The following COL18A1 variants were observed in gnomAD, a reference collection of about 807,000 sequenced individuals.
COL18A1 encodes collagen alpha-1(XVIII) chain.
COL18A1 carries 133 observed loss-of-function variants against 168.0 expected under a neutral mutation model. The ratio of observed to expected loss-of-function variants is 0.79; its 90% CI spans 0.69 to 0.91. COL18A1 has a LOEUF of 0.91. Ranked by LOEUF, COL18A1 falls within the 40% of genes least tolerant of loss-of-function variation. The pLI is 0.00. For missense variants in COL18A1, 2,126 were observed against 1,925.4 expected (o/e 1.10, Z -1.95); for synonymous variants, 949 against 809.0 (o/e 1.17, Z -2.94).
At chr21:45,456,172 T>C (rs2034801885) in intron 2 of COL18A1, 1 of 1,591,974 alleles carries the variant, frequency 6.3e-7, no homozygotes, top group Non-Finnish European at 8.6e-7. Flanking sequence ...CACCACCATC[T>C]TCAGGTAGAG....
chr21:45,428,904 T>C (rs1366553466), intron 2 of COL18A1, among the ~76,000 whole-genome samples: 2 of 102,580 alleles, frequency 1.9e-5, no homozygotes, highest in Non-Finnish European at 4.5e-5. Context: ...CTTTCTTTTC[T>C]TTTTTTTTTT....
Position 45,491,219 on chromosome 21 carries a change from TTCCAGGGAGA to T in COL18A1, c.2071_2080del (p.Asp691ArgfsTer30). Reference sequence around the variant, plus strand: ...GAAATGCCGGACGCGTGGCCTCCTCTTCCAGGGAGATCCAGGGAAGGACGGAGTCGGGCAG... The same window carrying T: ...GAAATGCCGGACGCGTGGCCTCCTCTTCCAGGGAAGGACGGAGTCGGGCAG... On this transcript the variant is annotated splice_acceptor_variant and splice_polypyrimidine_tract_variant and coding_sequence_variant and intron_variant, in exon 22 of 42. Coordinates refer to ENST00000651438, the MANE Select transcript of COL18A1 (RefSeq NM_001379500.1). LOFTEE classifies it high-confidence loss of function. 4 of 1,610,894 alleles carry T rather than the reference TTCCAGGGAGA, an allele frequency of 2.5e-6. No homozygotes were observed. Among genetic ancestry groups the T allele is most frequent in the Non-Finnish European group, 3.4e-6 (4 of 1,178,418 alleles).
chr21:45,503,775 TTAAAG>T (rs1396908568), intron 32 of COL18A1, among the ~76,000 whole-genome samples: 2 of 151,354 alleles, frequency 1.3e-5, no homozygotes, highest in Non-Finnish European at 2.9e-5. Context: ...ACCCTAAAAC[TTAAAG>T]TATAATAATA....
chr21:45,465,994 T>C (rs894148000), intron 2 of COL18A1, among the ~76,000 whole-genome samples: 1 of 151,954 alleles, frequency 6.6e-6, no homozygotes, highest in Non-Finnish European at 1.5e-5. Flanking sequence ...GAAGGGACGG[T>C]CTTGTCCTGG....
At chr21:45,487,303 A>G (rs971985700) in intron 16 of COL18A1, 144 bp from the exon 17 acceptor site, 5 of 968,922 alleles carry the variant, frequency 5.2e-6, no homozygotes, top group Non-Finnish European at 6.3e-6. Flanking sequence ...CCAGGTAGAC[A>G]GTCCCCATCT....
rs775357744 is a variant in COL18A1, at chr21:45,488,444, G to C, written c.1923G>C (p.Lys641Asn). The change falls in exon 18 of 42, where the codon AAG becomes AAC. Residue 641 changes from lysine (K) to asparagine (N), a missense_variant and splice_region_variant. Coordinates refer to ENST00000651438, the MANE Select transcript of COL18A1 (RefSeq NM_001379500.1). ...PQGPPGLPGL[K>N]GDPGVPGLPG... is the part of the protein sequence containing the mutation. ...GACCTCCCGGCCTGCCGGGACTTAA[G>C]GTCAGTGACGGATATGTCTGGGTTT... is the stretch of plus-strand genomic sequence containing the variant. 1.2e-6 allele frequency: 2 copies of C among 1,613,890 alleles called. No individual in the cohort carries two copies. The highest frequency in any genetic ancestry group is 1.7e-6 in the Non-Finnish European group (2 of 1,179,986).
intron 26 of COL18A1, 131 bp from the exon 27 acceptor site, chr21:45,494,414 G>A (rs1327488554): frequency 4.6e-6 from 6 of 1,316,290 alleles, no homozygotes; most frequent in Non-Finnish European, 6.5e-6. Flanking sequence ...GACCACAGCG[G>A]CCCTTAGGGA....
At chr21:45,458,281 G>A (rs538483264) in intron 2 of COL18A1, among the ~76,000 whole-genome samples, 8 of 148,072 alleles carry the variant, frequency 5.4e-5, no homozygotes, top group East Asian at 4.0e-4. Flanking sequence ...TTGGCATCTC[G>A]TAGGGCTGGA....
In COL18A1 at chr21:45,505,278, A is replaced by T; in HGVS notation, c.3013A>T (p.Thr1005Ser). The change falls in exon 35 of 42, where the codon ACT (threonine) becomes TCT (serine). Residue 1005 changes from threonine (T) to serine (S), a missense_variant and splice_region_variant. Physicochemically the swap from Thr to Ser is moderately conservative, Grantham distance 58. Transcript: ENST00000651438. ...TTCATTTCCTGGCCCTCACAGGCAG[A>T]GTAAGTCAGTGGGGAGTGGGCCCCG... ...PPSFPGPHRQTISVPGPPGPP... is the reference protein window; with the variant it reads ...PPSFPGPHRQSISVPGPPGPP... The T allele has an allele frequency of 1.9e-6, 3 of 1,607,146 alleles. No individual in the cohort carries two copies. The highest frequency in any genetic ancestry group is 1.1e-5 in the South Asian group (1 of 90,796).
At position 45,473,926 on chromosome 21, in the gene COL18A1, A is replaced by AC. The variant is rs756223600; in HGVS notation, c.688dup (p.Gln230ProfsTer14). 71 of 1,606,010 alleles carry AC rather than the reference A, an allele frequency of 4.4e-5. No individual in the cohort carries two copies. Among genetic ancestry groups the AC allele is most frequent in the Non-Finnish European group, 5.9e-5 (70 of 1,176,526 alleles). ...ATCGCTGAGCTGAAGGTGCGCAGGG[A>AC]CCCCCAGGTGAGCCCCATGCACTGC... On this transcript the variant is annotated frameshift_variant, in exon 4 of 42. Transcript: ENST00000651438. LOFTEE classifies it high-confidence loss of function. The surrounding 1 kb of genome is among the most constrained non-coding windows in gnomAD (Gnocchi z 4.0).
At position 45,486,846 on chromosome 21, in the gene COL18A1, C is replaced by T; in HGVS notation, c.1702-15C>T. 1 of 1,527,186 alleles carries T rather than the reference C, an allele frequency of 6.5e-7. No individual in the cohort carries two copies. The highest frequency in any genetic ancestry group is 2.5e-5 in the East Asian group (1 of 40,442). The allele number at this position is 1,527,186 out of a possible 1,614,324, so 94.6% of individuals were successfully genotyped here. A position where few individuals can be genotyped will look rare whatever the true frequency, so the allele number is the denominator to read the frequency against. On this transcript the variant is annotated splice_polypyrimidine_tract_variant and intron_variant, in intron 15 of 41. Transcript: ENST00000651438. ...GCTGGGCTGGGTCCTGACACGCTCT[C>T]CTCACCCCACGCAGGGGAGCAAGGG...
Position 45,488,407 on chromosome 21 carries a change from T to C in COL18A1, c.1897-11T>C, listed in dbSNP as rs1229423924. On this transcript the variant is annotated splice_polypyrimidine_tract_variant and intron_variant, in intron 17 of 41. Transcript: ENST00000651438. ...AGCTGCACTAACACTGTGTCTCCTC[T>C]GCCCTGACAGGGACCTCCCGGCCTG... The C allele has an allele frequency of 6.2e-7, 1 of 1,613,858 alleles. No individual in the cohort carries two copies.
Position 45,477,868 on chromosome 21 carries a change from T to TG in COL18A1, c.1127dup (p.Pro377SerfsTer36). On this transcript the variant is annotated frameshift_variant, in exon 8 of 42. Coordinates refer to ENST00000651438, the MANE Select transcript of COL18A1 (RefSeq NM_001379500.1). LOFTEE classifies it high-confidence loss of function. The stretch of plus-strand genomic sequence containing the variant: ...GGTCTCCCGTGCCCAGTGAGTCCCC[T>TG]GGGTCCTGCAGGCCCAGCGTTGCAA... 1 of 1,555,824 alleles carries TG rather than the reference T, an allele frequency of 6.4e-7. No individual in the cohort carries two copies. Among genetic ancestry groups the TG allele is most frequent in the Non-Finnish European group, 8.7e-7 (1 of 1,149,564 alleles).
intron 24 of COL18A1, 126 bp from the exon 25 acceptor site, chr21:45,493,037 A>T (rs1333798556): frequency 3.0e-6 from 3 of 997,058 alleles, no homozygotes; most frequent in East Asian, 5.2e-5. Flanking sequence ...TGGGGCCGCG[A>T]GGGGCCCTGG....
intron 2 of COL18A1, among the ~76,000 whole-genome samples, chr21:45,438,229 G>T (rs1420599277): frequency 3.3e-4 from 13 of 39,956 alleles, no homozygotes; most frequent in Admixed American, 2.9e-3. Flanking sequence ...CACACACTCA[G>T]ACACACAGGC....
intron 2 of COL18A1, among the ~76,000 whole-genome samples, chr21:45,459,284 G>A (rs932277718): frequency 1.3e-5 from 2 of 152,232 alleles, no homozygotes; most frequent in Admixed American, 6.5e-5. Flanking sequence ...CCCTGGGTGA[G>A]GGGCAGGAGG....
chr21:45,423,435 C>G lies in COL18A1; in HGVS notation c.106+17962C>G, dbSNP rs982257353. ...AAGGCGTGGAGCTCCACAAGCACCTCGGACGGCAGCAGGACCCTCCCAAAG... is the reference window on the plus strand; with the variant it reads ...AAGGCGTGGAGCTCCACAAGCACCTGGGACGGCAGCAGGACCCTCCCAAAG... On this transcript the variant is annotated intron_variant, in intron 2 of 41. Coordinates refer to ENST00000651438, the MANE Select transcript of COL18A1 (RefSeq NM_001379500.1). This position sits in a 1 kb window ranked among gnomAD's most constrained non-coding sequence, Gnocchi z 4.0. Among the ~76,000 whole-genome samples the G allele has an allele frequency of 5.3e-5, 8 of 152,226 alleles. No homozygotes were observed. Among genetic ancestry groups the G allele is most frequent in the Non-Finnish European group, 1.2e-4 (8 of 68,036 alleles).
intron 2 of COL18A1, among the ~76,000 whole-genome samples, chr21:45,412,455 T>A (rs2033327322): frequency 1.3e-5 from 2 of 152,116 alleles, no homozygotes; most frequent in South Asian, 2.1e-4. Flanking sequence ...TTGGCCAGGC[T>A]GGTCTCAAAC....
At chr21:45,439,605 C>T (rs1602388291) in intron 2 of COL18A1, among the ~76,000 whole-genome samples, 1 of 152,232 alleles carries the variant, frequency 6.6e-6, no homozygotes, top group East Asian at 1.9e-4. Flanking sequence ...AAGCGCGTCG[C>T]GCGGGCTCCA....
Sources: allele counts gnomAD v4.1 joint callset (sites outside exome capture counted in the v4.1 genomes callset), GRCh38; gene constraint gnomAD v4.1.1; non-coding constraint Gnocchi (gnomAD v3.1); transcripts MANE v1.5; gene names NCBI Gene and HGNC (gene_info 2026-07-23, HGNC 2026-07-21).